Variants in CYP51A1 observed in about 807,000 individuals in gnomAD.
CYP51A1 encodes the protein cytochrome P450 family 51 subfamily A member 1.
CYP51A1 carries 45 observed loss-of-function variants against 53.5 expected under a neutral mutation model. The ratio of observed to expected loss-of-function variants is 0.84; its 90% CI spans 0.66 to 1.08. The LOEUF (loss-of-function observed/expected upper bound fraction) is 1.08. CYP51A1 is among the 50% of genes least tolerant of loss of function. The probability of loss-of-function intolerance (pLI) is 0.00; values close to 1 mark genes in which losing one functional copy is unlikely to be tolerated. For synonymous variants in CYP51A1, 181 were observed against 217.7 expected (o/e 0.83, Z 1.48); for missense variants, 462 against 621.7 (o/e 0.74, Z 2.73).
intron 5 of CYP51A1, among the ~76,000 whole-genome samples, chr7:92,124,428 C>T (rs1819752517): frequency 6.6e-6 from 1 of 152,156 alleles, no homozygotes; most frequent in Non-Finnish European, 1.5e-5. Flanking sequence ...ATGAATTACT[C>T]ACTTTTATCT....
chr7:92,134,106 C>A, intron 1 of CYP51A1, 67 bp downstream of exon 1: 1 of 1,516,960 alleles, frequency 6.6e-7, no homozygotes, highest in South Asian at 1.2e-5. Flanking sequence ...CGGAGCCGCC[C>A]ACGCCAGCCC....
rs1484123945 is a variant in CYP51A1 at position 92,112,819 on chromosome 7, A to ACTC, written c.*843_*845dup. On this transcript the variant is annotated 3_prime_UTR_variant, in exon 10 of 10. Transcript: ENST00000003100. Reference sequence around the variant, plus strand: ...ACTCCAGCCTGGGCAACAGAGCGAGACTCCATCTCAAAAAAAAAAAAAAAA... The same window carrying ACTC: ...ACTCCAGCCTGGGCAACAGAGCGAGACTCCTCCATCTCAAAAAAAAAAAAAAAA... The ACTC allele has an allele frequency of 6.9e-6, 1 of 143,908 alleles. No individual in the cohort carries two copies. The highest frequency in any genetic ancestry group is 1.5e-5 in the Non-Finnish European group (1 of 66,576). 8.9% of individuals were successfully genotyped at this position (143,908 alleles called of 1,614,324 possible). A position where few individuals can be genotyped will look rare whatever the true frequency, so the allele number is the denominator to read the frequency against.
chr7:92,113,892 CT>C (rs1563175931), intron 9 of CYP51A1, 49 bp from the exon 10 acceptor site: 4 of 1,301,724 alleles, frequency 3.1e-6, no homozygotes, highest in African/African-American at 1.5e-5. Flanking sequence ...CTTTCTCATC[CT>C]TTTTAGCCTG....
chr7:92,127,659 G>C, intron 3 of CYP51A1, 28 bp from the exon 4 acceptor site: 1 of 1,611,044 alleles, frequency 6.2e-7, no homozygotes, highest in Non-Finnish European at 8.5e-7. Context: ...ACGGGGATAC[G>C]GCATTAAAAC....
chr7:92,120,053 A>C (rs979756339), intron 7 of CYP51A1, among the ~76,000 whole-genome samples: 2 of 152,332 alleles, frequency 1.3e-5, no homozygotes, highest in Admixed American at 1.3e-4. Context: ...AAAATACTTA[A>C]GAATACATTT....
intron 4 of CYP51A1, 99 bp downstream of exon 4, chr7:92,127,406 A>G: frequency 9.1e-7 from 1 of 1,103,766 alleles, no homozygotes; most frequent in Non-Finnish European, 1.3e-6. Flanking sequence ...TTTTACATAC[A>G]CTGTAATTTG....
chr7:92,123,440 A>G, intron 6 of CYP51A1, 125 bp from the exon 7 acceptor site: 2 of 887,560 alleles, frequency 2.3e-6, no homozygotes, highest in South Asian at 3.6e-5. Flanking sequence ...TTTGACTATC[A>G]CAAGTCAAGA....
chr7:92,131,990 C>A (rs1227567127), intron 1 of CYP51A1, 118 bp from the exon 2 acceptor site: 19 of 398,970 alleles, frequency 4.8e-5, no homozygotes, highest in African/African-American at 2.0e-4. Context: ...AAAAAAGTTA[C>A]CAAAAAAAAA....
rs759433772 is a variant in CYP51A1, at chr7:92,125,320, C to G, written c.770+933G>C. On this transcript the variant is annotated intron_variant, in intron 5 of 9. Coordinates refer to ENST00000003100, the MANE Select transcript of CYP51A1 (RefSeq NM_000786.4). Reference sequence around the variant, plus strand: ...TTTAGGGAATCTCTCCTGGCTCTTCCTTTTACTCCCACCCCTCTTCCAATC... The same window carrying G: ...TTTAGGGAATCTCTCCTGGCTCTTCGTTTTACTCCCACCCCTCTTCCAATC... Among the ~76,000 whole-genome samples the G allele has an allele frequency of 3.3e-5, 5 of 152,016 alleles. No individual in the cohort carries two copies. The East Asian group carries it at 9.7e-4, about 29-fold the overall frequency.
chr7:92,134,271 G>A lies in CYP51A1; in HGVS notation c.94C>T (p.Leu32Phe), dbSNP rs1819994970. The A allele has an allele frequency of 1.2e-6, 2 of 1,612,886 alleles. No individual in the cohort carries two copies. The highest frequency in any genetic ancestry group is 1.3e-5 in the African/African-American group (1 of 74,894). The change falls in exon 1 of 10, where the codon CTC becomes TTC. Residue 32 changes from leucine to phenylalanine, a missense_variant. Coordinates refer to ENST00000003100, the MANE Select transcript of CYP51A1 (RefSeq NM_000786.4). ...QAMEKVTGGN[L>F]LSMLLIACAF... is the part of the protein sequence containing the mutation. ...CAGGCGATCAGCAGCATGGACAAGA[G>A]GTTGCCGCCTGTCACCTTCTCCATC...
chr7:92,133,979 C>T (rs1819983873), intron 1 of CYP51A1, among the ~76,000 whole-genome samples, 194 bp downstream of exon 1: 1 of 152,222 alleles, frequency 6.6e-6, no homozygotes, highest in African/African-American at 2.4e-5. Context: ...GCGCCACCAG[C>T]AGCAGTGCCG....
In CYP51A1 at chr7:92,123,787, C is replaced by T. The variant is rs769667272; in HGVS notation, c.837G>A (p.Gln279=). 1.1e-5 allele frequency: 17 copies of T among 1,609,148 alleles called. No homozygotes were observed. In the East Asian group the frequency reaches 3.6e-4, roughly 34 times the overall value. The part of the protein sequence containing the change: ...IFYKAIQKRR[Q]SQEKIDDILQ... Reference sequence around the variant, plus strand: ...GAATGTCATCAATTTTTTCTTGAGACTGTCTGCGTTTCTGGATTGCCTTAT... The same window carrying T: ...GAATGTCATCAATTTTTTCTTGAGATTGTCTGCGTTTCTGGATTGCCTTAT... The change falls in exon 6 of 10, where the codon CAG becomes CAA. Residue 279 remains glutamine (Q), a synonymous_variant. Transcript: ENST00000003100.
upstream of CYP51A1, chr7:92,134,645 C>G (rs2130961837): frequency 7.1e-6 from 3 of 421,292 alleles, no homozygotes; most frequent in South Asian, 1.5e-4. Flanking sequence ...CACAGTGGTA[C>G]GGGGCCGGAA....
Position 92,113,813 on chromosome 7 carries a change from G to A in CYP51A1, c.1382C>T (p.Ala461Val). Residue 461 changes from alanine (A) to valine (V), a missense_variant, in exon 10 of 10, where the codon GCC becomes GTC. Physicochemically the swap from Ala to Val is moderately conservative, Grantham distance 64 (BLOSUM62 0). Coordinates refer to ENST00000003100, the MANE Select transcript of CYP51A1 (RefSeq NM_000786.4). ...GRHRCIGENF[A>V]YVQIKTIWST... ...CCAAATTGTCTTAATTTGAACATAG[G>A]CAAAATTTTCCCCAATACAACGATG... 1.2e-6 allele frequency: 2 copies of A among 1,604,544 alleles called. No homozygotes were observed. The highest frequency in any genetic ancestry group is 1.7e-6 in the Non-Finnish European group (2 of 1,176,820).
intron 4 of CYP51A1, among the ~76,000 whole-genome samples, chr7:92,127,153 T>C (rs1680005518): frequency 6.6e-6 from 1 of 152,212 alleles, no homozygotes; most frequent in Non-Finnish European, 1.5e-5. Flanking sequence ...AATATATCAA[T>C]ATCAACTTAA....
rs1175749857 is a variant in CYP51A1, at chr7:92,112,231, G to GTGT, written c.*1431_*1433dup. 1 of 152,128 alleles carries GTGT rather than the reference G, an allele frequency of 6.6e-6. No individual in the cohort carries two copies. Among genetic ancestry groups the GTGT allele is most frequent in the Non-Finnish European group, 1.5e-5 (1 of 68,022 alleles). 9.4% of individuals were successfully genotyped at this position (152,128 alleles called of 1,614,324 possible). A position where few individuals can be genotyped will look rare whatever the true frequency, so the allele number is the denominator to read the frequency against. On this transcript the variant is annotated 3_prime_UTR_variant, in exon 10 of 10. Coordinates refer to ENST00000003100, the MANE Select transcript of CYP51A1 (RefSeq NM_000786.4). The stretch of plus-strand genomic sequence containing the variant: ...ATTAGAGTTTAACATGAGTCTTCCA[G>GTGT]TGTTTTAAAAAGAACTGTAATATAC...
At chr7:92,123,446 C>CA in intron 6 of CYP51A1, 131 bp from the exon 7 acceptor site, 1 of 869,532 alleles carries the variant, frequency 1.2e-6, no homozygotes, top group Non-Finnish European at 1.8e-6. Flanking sequence ...TATCACAAGT[C>CA]AAGAGTTTTT....
rs312262911 is a variant in CYP51A1, at chr7:92,134,401, C to A, written c.-37G>T. ...GAAACACTGAAGGCCGAGGTCGCCA[C>A]CGCTCCTCCCAATCGACGGAACGAG... On this transcript the variant is annotated 5_prime_UTR_variant, in exon 1 of 10. Coordinates refer to ENST00000003100, the MANE Select transcript of CYP51A1 (RefSeq NM_000786.4). 1 of 1,516,752 alleles carries A rather than the reference C, an allele frequency of 6.6e-7. No individual in the cohort carries two copies. The highest frequency in any genetic ancestry group is 8.9e-7 in the Non-Finnish European group (1 of 1,126,334). The allele number at this position is 1,516,752 out of a possible 1,614,324, so 94.0% of individuals were successfully genotyped here. A position where few individuals can be genotyped will look rare whatever the true frequency, so the allele number is the denominator to read the frequency against.
chr7:92,133,258 A>ATT (rs57353833), intron 1 of CYP51A1, among the ~76,000 whole-genome samples: 54,354 of 146,040 alleles, frequency 0.37, 10,210 homozygotes, highest in Non-Finnish European at 0.38. Flanking sequence ...GAAGAAAATG[A>ATT]TTTTTTTTTT....
Sources: allele counts gnomAD v4.1 joint callset (sites outside exome capture counted in the v4.1 genomes callset), GRCh38; gene constraint gnomAD v4.1.1; transcripts MANE v1.5; gene names NCBI Gene and HGNC (gene_info 2026-07-23, HGNC 2026-07-21).